Variants in AXDND1 observed in about 807,000 individuals in gnomAD.
AXDND1 encodes axonemal dynein light chain domain containing 1.
A neutral mutation model predicts 137.5 loss-of-function variants in AXDND1; 110 were observed. The observed-to-expected ratio is 0.80, with a 90% CI of 0.69 to 0.94. The LOEUF is 0.94. AXDND1 is among the 40% of genes least tolerant of loss of function. The pLI is 0.00. For synonymous variants in AXDND1, 414 were observed against 399.7 expected, an observed-to-expected ratio of 1.04 and a Z score of -0.43; for missense variants, 1,191 against 1,169.8, an observed-to-expected ratio of 1.02 and a Z score of -0.26.
intron 23 of AXDND1, among the ~76,000 whole-genome samples, chr1:179,530,050 A>C (rs916143201): frequency 2.0e-5 from 3 of 152,050 alleles, no homozygotes; most frequent in African/African-American, 7.2e-5. Flanking sequence ...TTATTTAGAG[A>C]CAGAGTCTTC....
At chr1:179,421,982 G>A (rs1437047413) in intron 12 of AXDND1, among the ~76,000 whole-genome samples, 1 of 151,334 alleles carries the variant, frequency 6.6e-6, no homozygotes, top group East Asian at 2.0e-4. Context: ...AGAGGTTGCG[G>A]TGAGCCAAGA....
intron 2 of AXDND1, among the ~76,000 whole-genome samples, chr1:179,367,842 G>A (rs1398800054): frequency 6.6e-6 from 1 of 152,210 alleles, no homozygotes; most frequent in African/African-American, 2.4e-5. Flanking sequence ...CTAAATGAGA[G>A]CAATTCCTTA....
chr1:179,405,794 TTTTG>T (rs1166241786), intron 11 of AXDND1, among the ~76,000 whole-genome samples: 3 of 151,906 alleles, frequency 2.0e-5, no homozygotes, highest in Non-Finnish European at 4.4e-5. Context: ...AGTTTATTGA[TTTTG>T]TTTATTTTTT....
intron 18 of AXDND1, among the ~76,000 whole-genome samples, chr1:179,488,027 A>G (rs1297943906): frequency 1.6e-5 from 2 of 124,254 alleles, no homozygotes; most frequent in Non-Finnish European, 3.3e-5. Context: ...AGAAATTTCA[A>G]TTCCGTCAAT....
At chr1:179,383,360 T>G in intron 7 of AXDND1, 82 bp from the exon 8 acceptor site, 1 of 1,007,840 alleles carries the variant, frequency 9.9e-7, no homozygotes, top group South Asian at 1.4e-5. Flanking sequence ...ATATTCTCTT[T>G]ACACATATTA....
Position 179,511,706 on chromosome 1 carries a change from G to T in AXDND1, c.2496+2303G>T, listed in dbSNP as rs9633311. ...AGTGTAGAAGTGTTCCTTGATGACC[G>T]CATTCATGGCAACATCTACCGTTTC... is the stretch of plus-strand genomic sequence containing the variant. On this transcript the variant is annotated intron_variant, in intron 21 of 25. Transcript: ENST00000367618. Among the ~76,000 whole-genome samples the T allele has an allele frequency of 5.7e-3, 865 of 152,106 alleles. 12 individuals are homozygous for T. Among genetic ancestry groups the T allele is most frequent in the African/African-American group, 0.02 (830 of 41,498 alleles).
intron 24 of AXDND1, 97 bp from the exon 25 acceptor site, chr1:179,534,633 T>A: frequency 4.9e-6 from 7 of 1,414,338 alleles, no homozygotes; most frequent in Admixed American, 2.9e-5. Context: ...TTCAGACACA[T>A]TCATCTAATC....
chr1:179,467,840 A>G (rs1663410710), intron 16 of AXDND1, among the ~76,000 whole-genome samples: 1 of 152,154 alleles, frequency 6.6e-6, no homozygotes, highest in South Asian at 2.1e-4. Context: ...TCTTTATATA[A>G]CTTTGAGATG....
intron 15 of AXDND1, 54 bp from the exon 16 acceptor site, chr1:179,444,916 G>T: frequency 7.7e-7 from 1 of 1,293,234 alleles, no homozygotes; most frequent in South Asian, 1.4e-5. Context: ...GGTAGACTTT[G>T]ATAAACTCAT....
intron 11 of AXDND1, among the ~76,000 whole-genome samples, chr1:179,408,796 C>T (rs1162332835): frequency 6.6e-6 from 1 of 152,152 alleles, no homozygotes. Context: ...CCTTACACAT[C>T]AGCCAACTGA....
At chr1:179,379,513 C>A in intron 6 of AXDND1, 31 bp downstream of exon 6, 1 of 1,553,130 alleles carries the variant, frequency 6.4e-7, no homozygotes, top group Non-Finnish European at 8.8e-7. Flanking sequence ...AAAATACCTG[C>A]CCCAGCTCGG....
At chr1:179,403,045 A>G (rs1652346673) in intron 11 of AXDND1, among the ~76,000 whole-genome samples, 1 of 152,308 alleles carries the variant, frequency 6.6e-6, no homozygotes, top group Middle Eastern at 3.4e-3. Context: ...TCAAAAACCT[A>G]CATATAACTT....
chr1:179,515,341 C>T (rs140630313), intron 21 of AXDND1, among the ~76,000 whole-genome samples: 1,947 of 152,098 alleles, frequency 0.013, 25 homozygotes, highest in African/African-American at 0.045. Flanking sequence ...TGCTTAGTTT[C>T]GCTGGATACA....
chr1:179,426,654 T>A (rs1045789658), intron 12 of AXDND1, among the ~76,000 whole-genome samples: 3 of 152,208 alleles, frequency 2.0e-5, no homozygotes, highest in Admixed American at 1.3e-4. Flanking sequence ...ATTTCAACAT[T>A]GCTTGTGATT....
chr1:179,436,955 T>A (rs1340092447), intron 15 of AXDND1, among the ~76,000 whole-genome samples: 1 of 151,750 alleles, frequency 6.6e-6, no homozygotes, highest in Non-Finnish European at 1.5e-5. Flanking sequence ...GGGTAAAGAT[T>A]AGTAACTTTT....
At chr1:179,408,726 G>T (rs1438048083) in intron 11 of AXDND1, among the ~76,000 whole-genome samples, 3 of 152,110 alleles carry the variant, frequency 2.0e-5, no homozygotes, top group Admixed American at 2.0e-4. Flanking sequence ...TATCCTCCAG[G>T]CTGGAGTGCA....
intron 25 of AXDND1, chr1:179,544,998 A>C (rs1027903279): frequency 1.3e-5 from 2 of 152,286 alleles, no homozygotes; most frequent in Non-Finnish European, 2.9e-5. Flanking sequence ...TGTGTTGCTG[A>C]AGATTCACCC....
At chr1:179,385,062 G>A (rs989607702) in intron 8 of AXDND1, among the ~76,000 whole-genome samples, 176 bp from the exon 9 acceptor site, 1 of 152,124 alleles carries the variant, frequency 6.6e-6, no homozygotes, top group Non-Finnish European at 1.5e-5. Flanking sequence ...CTGCACTTGG[G>A]CAGACCAGCA....
intron 20 of AXDND1, among the ~76,000 whole-genome samples, chr1:179,494,254 T>C (rs908108720): frequency 2.0e-5 from 3 of 152,100 alleles, no homozygotes; most frequent in Admixed American, 1.3e-4. Context: ...GCCTGGCTGA[T>C]ATAGTCAGTC....
Sources: gnomAD v4.1 joint callset for allele counts (sites outside exome capture counted in the v4.1 genomes callset) on GRCh38, gnomAD v4.1.1 for gene constraint, MANE v1.5 for transcripts, NCBI Gene and HGNC (gene_info 2026-07-23, HGNC 2026-07-21) for gene names.